COL25A1: variants seen among roughly 807,000 people sequenced by gnomAD.
COL25A1 encodes collagen type XXV alpha 1 chain, also known as collagen alpha-1(XXV) chain.
Under a neutral mutation model 128.4 loss-of-function variants are expected in COL25A1, and 103 were observed. The observed-to-expected ratio is 0.80, with a 90% CI of 0.68 to 0.94. The LOEUF (loss-of-function observed/expected upper bound fraction) is 0.94. COL25A1 is among the 40% of genes least tolerant of loss of function. The pLI is 0.00. For missense variants in COL25A1, 745 were observed against 840.0 expected (o/e 0.89, Z 1.40); for synonymous variants, 279 against 277.2 (o/e 1.01, Z -0.06).
intron 6 of COL25A1, among the ~76,000 whole-genome samples, chr4:108,982,858 G>A (rs1305547837): frequency 6.6e-6 from 1 of 152,080 alleles, no homozygotes; most frequent in African/African-American, 2.4e-5. Flanking sequence ...CCTGAACAAG[G>A]GACTATATGT....
At chr4:108,971,349 T>C (rs960733019) in intron 8 of COL25A1, among the ~76,000 whole-genome samples, 1 of 152,182 alleles carries the variant, frequency 6.6e-6, no homozygotes, top group Non-Finnish European at 1.5e-5. Context: ...CTTGCTTTTA[T>C]GGAATATAGG....
intron 3 of COL25A1, among the ~76,000 whole-genome samples, chr4:109,069,799 T>C (rs1403004563): frequency 1.3e-5 from 2 of 152,190 alleles, no homozygotes; most frequent in African/African-American, 2.4e-5. Flanking sequence ...GTCCAGGAAA[T>C]GTGGAAGCTG....
At chr4:109,054,142 C>T (rs142239702) in intron 3 of COL25A1, among the ~76,000 whole-genome samples, 53 of 152,232 alleles carry the variant, frequency 3.5e-4, no homozygotes, top group African/African-American at 1.2e-3. Flanking sequence ...TCTTTTTAGT[C>T]CATTGTGATT....
intron 3 of COL25A1, among the ~76,000 whole-genome samples, chr4:109,198,236 C>G (rs1347682486): frequency 6.6e-6 from 1 of 151,386 alleles, no homozygotes; most frequent in Non-Finnish European, 1.5e-5. Context: ...TTCATCTTTT[C>G]TTAGCTCCCT....
rs1353536276 is a variant in COL25A1, at chr4:108,832,408, T to C, written c.1682A>G (p.His561Arg). ...TTCTCCTTTGGGACCTGCAGGGCCA[T>C]GGGGTCCCATAGGACCATCTGTACC... The part of the protein sequence containing the change: ...PKGTDGPMGP[H>R]GPAGPKGERG... The change falls in exon 32 of 38, where the codon CAT becomes CGT. Residue 561 changes from histidine to arginine, a missense_variant. This residue lies in a region of COL25A1 where 387 missense variants were observed against 441.9 expected (regional missense o/e 0.88). Coordinates refer to ENST00000399132, the MANE Select transcript of COL25A1 (RefSeq NM_198721.4). The C allele has an allele frequency of 1.2e-6, 2 of 1,611,222 alleles. No homozygotes were observed. Among genetic ancestry groups the C allele is most frequent in the Admixed American group, 3.4e-5 (2 of 59,658 alleles).
At chr4:109,225,738 G>A (rs1778756759) in intron 3 of COL25A1, among the ~76,000 whole-genome samples, 1 of 151,992 alleles carries the variant, frequency 6.6e-6, no homozygotes, top group South Asian at 2.1e-4. Flanking sequence ...ACTGTTGTGT[G>A]TGTATGTGTA....
At chr4:109,200,890 C>A (rs1776509134) in intron 3 of COL25A1, among the ~76,000 whole-genome samples, 1 of 152,040 alleles carries the variant, frequency 6.6e-6, no homozygotes, top group South Asian at 2.1e-4. Flanking sequence ...TAGCTTCAGC[C>A]CTCACTGTCA....
intron 4 of COL25A1, 86 bp from the exon 5 acceptor site, chr4:109,048,261 A>G: frequency 7.8e-7 from 1 of 1,288,952 alleles, no homozygotes; most frequent in South Asian, 1.2e-5. Flanking sequence ...AGATATGAGC[A>G]TAATCATCAG....
Position 109,070,427 on chromosome 4 carries a change from T to C in COL25A1, c.368-20248A>G, listed in dbSNP as rs574949350. On this transcript the variant is annotated intron_variant, in intron 3 of 37. Transcript: ENST00000399132. ...CATGTTATGTCAATCTTCATATTCA[T>C]GATCTTTAATCATATTTGGTTAAGT... is the stretch of plus-strand genomic sequence containing the variant. Among the ~76,000 whole-genome samples, 8 of 152,160 alleles carry C rather than the reference T, an allele frequency of 5.3e-5. No individual in the cohort carries two copies. In the South Asian group the frequency reaches 1.7e-3, roughly 31 times the overall value.
intron 3 of COL25A1, among the ~76,000 whole-genome samples, chr4:109,282,501 T>C (rs1723470243): frequency 1.3e-5 from 2 of 152,208 alleles, no homozygotes; most frequent in Non-Finnish European, 1.5e-5. Context: ...CACTGATTTG[T>C]GGCACAGTGG....
chr4:108,937,778 G>A, intron 11 of COL25A1, 30 bp downstream of exon 11: 4 of 1,577,260 alleles, frequency 2.5e-6, no homozygotes, highest in Non-Finnish European at 3.5e-6. Context: ...ACCAGGCTTA[G>A]TATAGAAAAA....
chr4:109,112,764 C>T (rs1301961212), intron 3 of COL25A1, among the ~76,000 whole-genome samples: 1 of 152,086 alleles, frequency 6.6e-6, no homozygotes, highest in South Asian at 2.1e-4. Flanking sequence ...ATATAAACTA[C>T]TTCATCATAT....
At chr4:108,958,935 A>G (rs903525790) in intron 8 of COL25A1, among the ~76,000 whole-genome samples, 3 of 152,154 alleles carry the variant, frequency 2.0e-5, no homozygotes, top group Non-Finnish European at 4.4e-5. Context: ...TTTAAAATAA[A>G]CAGTATGTAA....
chr4:108,844,874 A>T (rs1423783607), intron 29 of COL25A1, among the ~76,000 whole-genome samples: 1 of 152,244 alleles, frequency 6.6e-6, no homozygotes, highest in Non-Finnish European at 1.5e-5. Context: ...TTCACTAAGC[A>T]TAAGCAGGGC....
intron 8 of COL25A1, chr4:108,942,334 A>T (rs1215748031): frequency 1.4e-6 from 2 of 1,406,114 alleles, no homozygotes; most frequent in Non-Finnish European, 2.0e-6. Flanking sequence ...TCACTAGGGG[A>T]CAAACAAAAC....
chr4:108,985,014 T>G (rs1424109431), intron 6 of COL25A1, among the ~76,000 whole-genome samples: 1 of 152,148 alleles, frequency 6.6e-6, no homozygotes, highest in Non-Finnish European at 1.5e-5. Context: ...TCAGAAGGAA[T>G]TAAAAAATGA....
intron 3 of COL25A1, among the ~76,000 whole-genome samples, chr4:109,092,331 A>C (rs929209023): frequency 3.9e-5 from 6 of 152,174 alleles, no homozygotes; most frequent in African/African-American, 1.4e-4. Flanking sequence ...TTTTTAAAAA[A>C]TTAGCTGGGT....
At chr4:108,915,333 T>C (rs1204943168) in intron 13 of COL25A1, among the ~76,000 whole-genome samples, 3 of 152,242 alleles carry the variant, frequency 2.0e-5, no homozygotes, top group South Asian at 2.1e-4. Flanking sequence ...AAACAAAGCA[T>C]TTTTGTCTTC....
chr4:109,168,874 A>G (rs1773311920), intron 3 of COL25A1, among the ~76,000 whole-genome samples: 1 of 152,182 alleles, frequency 6.6e-6, no homozygotes, highest in Admixed American at 6.6e-5. Flanking sequence ...ATTCATTGGA[A>G]CATCCATATT....
Sources: gnomAD v4.1 joint callset for allele counts (sites outside exome capture counted in the v4.1 genomes callset) on GRCh38, gnomAD v4.1.1 for gene constraint, gnomAD v4.1.1 regional missense constraint, MANE v1.5 for transcripts, NCBI Gene and HGNC (gene_info 2026-07-23, HGNC 2026-07-21) for gene names.